Variants in RPS5 observed in about 807,000 individuals in gnomAD.
The protein encoded by RPS5 is small ribosomal subunit protein uS7.
Under a neutral mutation model 20.9 loss-of-function variants are expected in RPS5, and 2 were observed. The ratio of observed to expected loss-of-function variants is 0.10; its 90% CI spans 0.04 to 0.30. RPS5 has a LOEUF of 0.30. Ranked by LOEUF, RPS5 falls within the 10% of genes least tolerant of loss-of-function variation. The probability of loss-of-function intolerance (pLI) is 1.00; values close to 1 mark genes in which losing one functional copy is unlikely to be tolerated. For synonymous variants in RPS5, 112 were observed against 105.8 expected (o/e 1.06, Z -0.36); for missense variants, 122 against 287.2 (o/e 0.42, Z 4.16).
At chr19:58,393,556 G>A in intron 4 of RPS5, 69 bp downstream of exon 4, 3 of 1,552,306 alleles carry the variant, frequency 1.9e-6, no homozygotes, top group Non-Finnish European at 2.6e-6. Flanking sequence ...CTTGCCTGGG[G>A]CAGGAAGGCT....
chr19:58,387,746 C>T (rs529895454), intron 1 of RPS5: 13 of 249,584 alleles, frequency 5.2e-5, no homozygotes, highest in Non-Finnish European at 1.0e-4. Flanking sequence ...ATAACGGTCC[C>T]GCCTCACGGC....
chr19:58,388,326 G>C (rs1036392673), intron 2 of RPS5, 81 bp downstream of exon 2: 12 of 967,578 alleles, frequency 1.2e-5, no homozygotes, highest in Non-Finnish European at 1.8e-5. Flanking sequence ...TTGTTGCTGT[G>C]CCATTAAGTC....
intron 2 of RPS5, among the ~76,000 whole-genome samples, chr19:58,392,520 G>C (rs1212804129): frequency 2.0e-5 from 3 of 151,814 alleles, no homozygotes; most frequent in African/African-American, 7.3e-5. Flanking sequence ...AGCTACTCGG[G>C]AGGTTGAGGC....
chr19:58,392,323 A>AGCG (rs1568574233), intron 2 of RPS5, among the ~76,000 whole-genome samples: 1 of 149,886 alleles, frequency 6.7e-6, no homozygotes. Flanking sequence ...CTCAGCCTCA[A>AGCG]GGGGGGGAAA....
At chr19:58,392,732 A>G (rs1023180892) in intron 2 of RPS5, among the ~76,000 whole-genome samples, 1 of 151,766 alleles carries the variant, frequency 6.6e-6, no homozygotes, top group African/African-American at 2.4e-5. Context: ...TAGTCTCCTT[A>G]GATTCCCACT....
At chr19:58,392,663 C>T (rs2052371271) in intron 2 of RPS5, among the ~76,000 whole-genome samples, 1 of 151,892 alleles carries the variant, frequency 6.6e-6, no homozygotes, top group South Asian at 2.1e-4. Flanking sequence ...TACCAGATGG[C>T]TGTTAAACAT....
chr19:58,393,159 G>C lies in RPS5; in HGVS notation c.292G>C (p.Glu98Gln). ...TGTGCGCATCGTCAAGCATGCCTTC[G>C]AGATCATACACCTGCTCACAGGCGA... is the stretch of plus-strand genomic sequence containing the variant. ...MTVRIVKHAF[E>Q]IIHLLTGENP... Residue 98 changes from glutamate to glutamine, a missense_variant, in exon 3 of 6, where the codon GAG (glutamate) becomes CAG (glutamine). By Grantham distance (29) the Glu-to-Gln change is conservative (BLOSUM62 2). Around this residue, in one of 6 missense-constraint regions of RPS5, gnomAD observed 49 missense variants for 64.9 expected, o/e 0.75. Transcript: ENST00000196551. 6.2e-7 allele frequency: 1 copy of C among 1,614,156 alleles called. No individual in the cohort carries two copies. Among genetic ancestry groups the C allele is most frequent in the Non-Finnish European group, 8.5e-7 (1 of 1,180,024 alleles).
At chr19:58,388,718 G>A (rs2052344287) in intron 2 of RPS5, 1 of 305,600 alleles carries the variant, frequency 3.3e-6, no homozygotes, top group Non-Finnish European at 5.7e-6. Flanking sequence ...TCTGCCTACC[G>A]GGTTCACACC....
At chr19:58,392,319 C>T (rs1219495527) in intron 2 of RPS5, among the ~76,000 whole-genome samples, 1 of 146,908 alleles carries the variant, frequency 6.8e-6, no homozygotes, top group Non-Finnish European at 1.5e-5. Flanking sequence ...AAGACTCAGC[C>T]TCAAGGGGGG....
intron 1 of RPS5, chr19:58,387,756 CCAAAGAAACAGTCCGAGA>C: frequency 7.9e-6 from 2 of 253,600 alleles, no homozygotes; most frequent in East Asian, 2.1e-4. Flanking sequence ...CGCCTCACGG[CCAAAGAAACAGTCCGAGA>C]CGGAACGTTG....
rs745361400 is a variant in RPS5 at position 58,388,091 on chromosome 19, G to A, written c.-1-46G>A. ...GGGAATGAGTGCGCCTTTGCTCCAT[G>A]CTAGCTGAGCTCTGACGTTTTTTTC... On this transcript the variant is annotated intron_variant, in intron 1 of 5. Transcript: ENST00000196551. 4.4e-6 allele frequency: 6 copies of A among 1,378,904 alleles called. No homozygotes were observed. In the South Asian group the frequency reaches 7.3e-5, roughly 17 times the overall value. The allele number at this position is 1,378,904 out of a possible 1,614,324, so 85.4% of individuals were successfully genotyped here.
intron 2 of RPS5, among the ~76,000 whole-genome samples, chr19:58,390,834 C>T (rs1196203457): frequency 6.6e-6 from 1 of 151,986 alleles, no homozygotes; most frequent in East Asian, 1.9e-4. Flanking sequence ...CGTGAATGCC[C>T]TTCACGAGAC....
intron 1 of RPS5, chr19:58,387,596 T>G (rs734380): frequency 0.37 from 56,860 of 152,842 alleles, 12,350 homozygotes; most frequent in Non-Finnish European, 0.49. Flanking sequence ...TTCCATTTCT[T>G]AGGGACACGA....
At chr19:58,394,633 G>C in intron 5 of RPS5, 38 bp downstream of exon 5, 1 of 1,613,664 alleles carries the variant, frequency 6.2e-7, no homozygotes, top group Non-Finnish European at 8.5e-7. Context: ...TCTTAAGTTG[G>C]GCATTTGTGG....
chr19:58,393,504 T>G lies in RPS5; in HGVS notation c.447+17T>G, dbSNP rs1466268883. 1 of 1,603,084 alleles carries G rather than the reference T, an allele frequency of 6.2e-7. No homozygotes were observed. The highest frequency in any genetic ancestry group is 1.1e-5 in the South Asian group (1 of 90,842). On this transcript the variant is annotated intron_variant, in intron 4 of 5. Coordinates refer to ENST00000196551, the MANE Select transcript of RPS5 (RefSeq NM_001009.4). The stretch of plus-strand genomic sequence containing the variant: ...GTGAACCAGGTGAGCCTGGGGCTTA[T>G]GCACGTGGCAGGGTGGACACAGCCA...
chr19:58,390,577 A>T (rs1350213643), intron 2 of RPS5, among the ~76,000 whole-genome samples: 1 of 152,088 alleles, frequency 6.6e-6, no homozygotes, highest in African/African-American at 2.4e-5. Context: ...CTGGAACTAC[A>T]GGTGCATGCC....
intron 1 of RPS5, chr19:58,387,892 A>G: frequency 1.8e-6 from 1 of 543,232 alleles, no homozygotes; most frequent in Non-Finnish European, 3.3e-6. Context: ...GTCCCAGTGC[A>G]GCAGCTGTTG....
chr19:58,394,345 C>CT, intron 4 of RPS5, 152 bp from the exon 5 acceptor site: 1 of 647,104 alleles, frequency 1.5e-6, no homozygotes, highest in East Asian at 2.7e-5. Context: ...TTGTGACCCT[C>CT]TATCTGATTG....
intron 2 of RPS5, chr19:58,388,555 T>C (rs1187992569): frequency 2.1e-6 from 1 of 468,420 alleles, no homozygotes; most frequent in Non-Finnish European, 3.8e-6. Context: ...TATCCAGTTA[T>C]CCAGTACCAT....
Sources: gnomAD v4.1 joint callset for allele counts (sites outside exome capture counted in the v4.1 genomes callset) on GRCh38, gnomAD v4.1.1 for gene constraint, gnomAD v4.1.1 regional missense constraint, MANE v1.5 for transcripts, NCBI Gene and HGNC (gene_info 2026-07-23, HGNC 2026-07-21) for gene names.